Variants in ERC2 observed in about 807,000 individuals in gnomAD.
ERC2 encodes ELKS/RAB6-interacting/CAST family member 2.
A neutral mutation model predicts 114.8 loss-of-function variants in ERC2; 42 were observed. The ratio of observed to expected loss-of-function variants is 0.37; its 90% CI spans 0.29 to 0.47. The LOEUF (loss-of-function observed/expected upper bound fraction) is 0.47, where lower values mean the gene tolerates loss of function less well. Among genes scored for constraint, ERC2 ranks in the 20% least tolerant of loss-of-function variants. ERC2 has a pLI of 0.99. For missense variants in ERC2, 939 were observed against 1,150.7 expected (o/e 0.82, Z 2.66); for synonymous variants, 454 against 425.5 (o/e 1.07, Z -0.82).
chr3:56,010,650 A>G (rs2072849121), intron 8 of ERC2, 61 bp from the exon 9 acceptor site: 2 of 1,523,716 alleles, frequency 1.3e-6, no homozygotes, highest in Non-Finnish European at 1.8e-6. Context: ...GCCAAAGCAT[A>G]CTGTAAAAGA....
intron 17 of ERC2, among the ~76,000 whole-genome samples, chr3:55,676,459 A>ATTATTATTG: frequency 6.7e-6 from 1 of 148,762 alleles, no homozygotes; most frequent in African/African-American, 2.5e-5. Context: ...TATTATTATT[A>ATTATTATTG]TTATTATTAT....
At chr3:55,531,204 T>C (rs1203101428) in intron 17 of ERC2, among the ~76,000 whole-genome samples, 3 of 152,162 alleles carry the variant, frequency 2.0e-5, no homozygotes, top group Non-Finnish European at 4.4e-5. Context: ...TGCTACTCCT[T>C]GGGCTTGACT....
chr3:56,062,819 G>A (rs534771467), intron 7 of ERC2, among the ~76,000 whole-genome samples: 1 of 152,218 alleles, frequency 6.6e-6, no homozygotes, highest in Non-Finnish European at 1.5e-5. Flanking sequence ...CTCACCTGGG[G>A]TAATGCATTT....
At position 55,952,175 on chromosome 3, in the gene ERC2, ACACACTCTCTCTCTCTCTCTCT is replaced by A. The variant is rs1367699243; in HGVS notation, c.2268-1637_2268-1616del. Among the ~76,000 whole-genome samples, 161 of 62,808 alleles carry A rather than the reference ACACACTCTCTCTCTCTCTCTCT, an allele frequency of 2.6e-3. 2 individuals are homozygous for A. The highest frequency in any genetic ancestry group is 0.017 in the South Asian group (25 of 1,440). 41.2% of individuals were successfully genotyped at this position (62,808 alleles called of 152,430 possible). Reference sequence around the variant, plus strand: ...CACACACACACACACACACACACACACACACTCTCTCTCTCTCTCTCTCTATATATATATATATATATTCTGA... The same window carrying A: ...CACACACACACACACACACACACACACTATATATATATATATATATTCTGA... On this transcript the variant is annotated intron_variant, in intron 12 of 17. Coordinates refer to ENST00000288221, the MANE Select transcript of ERC2 (RefSeq NM_015576.3).
At chr3:56,007,148 T>C in intron 10 of ERC2, 33 bp downstream of exon 10, 1 of 1,518,306 alleles carries the variant, frequency 6.6e-7, no homozygotes, top group East Asian at 2.4e-5. Flanking sequence ...CATTTTTAAA[T>C]AAGCATGATT....
At chr3:56,166,313 G>T (rs1251941054) in intron 4 of ERC2, among the ~76,000 whole-genome samples, 1 of 151,986 alleles carries the variant, frequency 6.6e-6, no homozygotes, top group Non-Finnish European at 1.5e-5. Flanking sequence ...TTACTCAGGA[G>T]ATTGCTTGTA....
At chr3:55,949,621 C>A (rs1437400220) in intron 13 of ERC2, among the ~76,000 whole-genome samples, 8 of 152,280 alleles carry the variant, frequency 5.3e-5, no homozygotes, top group African/African-American at 1.9e-4. Flanking sequence ...AAAAGATGAA[C>A]TATGAGTACA....
intron 15 of ERC2, among the ~76,000 whole-genome samples, chr3:55,707,675 C>T (rs2063559821): frequency 6.6e-6 from 1 of 152,208 alleles, no homozygotes; most frequent in Admixed American, 6.5e-5. Flanking sequence ...ATAACCAATG[C>T]CTGCTTGGCC....
At chr3:55,999,220 T>C (rs550259896) in intron 10 of ERC2, among the ~76,000 whole-genome samples, 6 of 152,222 alleles carry the variant, frequency 3.9e-5, no homozygotes, top group South Asian at 4.1e-4. Context: ...CACAGTGTTA[T>C]AATAATAAGA....
At chr3:55,543,759 G>A (rs1438292088) in intron 17 of ERC2, among the ~76,000 whole-genome samples, 1 of 152,126 alleles carries the variant, frequency 6.6e-6, no homozygotes, top group Non-Finnish European at 1.5e-5. Context: ...CTGCTGCGCT[G>A]TCTCTGTGTG....
intron 7 of ERC2, among the ~76,000 whole-genome samples, chr3:56,032,989 A>AAC (rs2074527476): frequency 8.7e-6 from 1 of 115,144 alleles, no homozygotes; most frequent in Non-Finnish European, 1.9e-5. Context: ...GAAAGAAAGA[A>AAC]AGAAAGAAAG....
At chr3:55,680,256 T>C (rs926172742) in intron 17 of ERC2, among the ~76,000 whole-genome samples, 1 of 152,218 alleles carries the variant, frequency 6.6e-6, no homozygotes, top group Non-Finnish European at 1.5e-5. Context: ...GACTAATTCC[T>C]TTCTAGTGGT....
intron 13 of ERC2, among the ~76,000 whole-genome samples, chr3:55,900,371 C>T (rs1559840031): frequency 6.6e-6 from 1 of 152,138 alleles, no homozygotes; most frequent in Non-Finnish European, 1.5e-5. Context: ...AAAATCAAAA[C>T]CATTTGTCCA....
chr3:55,770,493 G>A (rs900547363), intron 14 of ERC2, among the ~76,000 whole-genome samples: 2 of 152,152 alleles, frequency 1.3e-5, no homozygotes, highest in African/African-American at 4.8e-5. Context: ...AGAGGAGTGA[G>A]TGCCCCCTTC....
intron 15 of ERC2, among the ~76,000 whole-genome samples, chr3:55,707,035 T>G (rs199563993): frequency 6.6e-6 from 1 of 152,210 alleles, no homozygotes; most frequent in Non-Finnish European, 1.5e-5. Context: ...CCAAACACCA[T>G]AGATAGACAG....
chr3:55,983,292 T>C (rs576545284), intron 12 of ERC2, among the ~76,000 whole-genome samples: 54 of 152,360 alleles, frequency 3.5e-4, no homozygotes, highest in Non-Finnish European at 3.4e-4. Flanking sequence ...AATTGCTGCA[T>C]ACATTTTTGG....
intron 3 of ERC2, among the ~76,000 whole-genome samples, chr3:56,228,512 T>C (rs905880876): frequency 6.6e-6 from 1 of 152,246 alleles, no homozygotes; most frequent in Non-Finnish European, 1.5e-5. Flanking sequence ...GTTTCATCCA[T>C]GTCTAGCTTC....
At chr3:55,659,213 T>C (rs999076163) in intron 17 of ERC2, 1 of 152,216 alleles carries the variant, frequency 6.6e-6, no homozygotes, top group African/African-American at 2.4e-5. Flanking sequence ...GGCTGTCTTA[T>C]GCAGCAGAAG....
intron 15 of ERC2, among the ~76,000 whole-genome samples, chr3:55,726,920 G>A (rs1440673827): frequency 6.6e-6 from 1 of 152,162 alleles, no homozygotes. Context: ...CTCAAAAATA[G>A]TCTAACTAGT....
Sources: allele counts gnomAD v4.1 joint callset (sites outside exome capture counted in the v4.1 genomes callset), GRCh38; gene constraint gnomAD v4.1.1; transcripts MANE v1.5; gene names NCBI Gene and HGNC (gene_info 2026-07-23, HGNC 2026-07-21).